The following CNTNAP5 variants were observed in gnomAD, a reference collection of about 807,000 sequenced individuals.
CNTNAP5 encodes the protein contactin-associated protein-like 5.
CNTNAP5 carries 72 observed loss-of-function variants against 150.2 expected under a neutral mutation model. The ratio of observed to expected loss-of-function variants is 0.48; its 90% confidence interval spans 0.40 to 0.58. The LOEUF (loss-of-function observed/expected upper bound fraction) is 0.58. Among genes scored for constraint, CNTNAP5 ranks in the 20% least tolerant of loss-of-function variants. The pLI, the probability that CNTNAP5 is intolerant of heterozygous loss-of-function variation, is 0.00. For missense variants in CNTNAP5, 1,636 were observed against 1,626.2 expected (o/e 1.01, Z -0.10); for synonymous variants, 672 against 619.8 (o/e 1.08, Z -1.25).
At chr2:124,361,749 C>T (rs967420793) in intron 3 of CNTNAP5, among the ~76,000 whole-genome samples, 24 of 151,900 alleles carry the variant, frequency 1.6e-4, no homozygotes, top group Non-Finnish European at 2.8e-4. Context: ...GCAGAGGTTA[C>T]TACTGTCTTT....
chr2:124,703,730 A>G (rs190862757), intron 13 of CNTNAP5, among the ~76,000 whole-genome samples: 198 of 152,292 alleles, frequency 1.3e-3, no homozygotes, highest in African/African-American at 4.4e-3. Flanking sequence ...CCCAGGTCTC[A>G]TCTCTTCTAC....
chr2:124,198,405 GT>G (rs538354456), intron 1 of CNTNAP5, among the ~76,000 whole-genome samples: 1,943 of 151,280 alleles, frequency 0.013, 12 homozygotes, highest in Non-Finnish European at 0.02. Flanking sequence ...GAAGCGCTTA[GT>G]TTTTTTTTCT....
intron 22 of CNTNAP5, 106 bp downstream of exon 22, chr2:124,903,206 C>T (rs1678451391): frequency 1.6e-6 from 1 of 632,020 alleles, no homozygotes; most frequent in African/African-American, 1.8e-5. Context: ...TCAGTTTTTA[C>T]TTTGTATAAT....
Position 124,920,793 on chromosome 2 carries a change from T to G in CNTNAP5, c.*6505T>G, listed in dbSNP as rs568163699. 6.6e-6 allele frequency among the ~76,000 whole-genome samples: 1 copy of G among 152,274 alleles called. No individual in the cohort carries two copies. The highest frequency in any genetic ancestry group is 2.4e-5 in the African/African-American group (1 of 41,582). ...AGAGCATTACAGTGTCTGTTTCAGA[T>G]GGGAAGTAAGTCTTCCTATGGCATG... is the stretch of plus-strand genomic sequence containing the variant. On this transcript the variant is annotated 3_prime_UTR_variant, in exon 24 of 24. Transcript: ENST00000682447.
chr2:124,098,985 C>T (rs1573752443), intron 1 of CNTNAP5, among the ~76,000 whole-genome samples: 1 of 149,958 alleles, frequency 6.7e-6, no homozygotes, highest in Non-Finnish European at 1.5e-5. Flanking sequence ...TTGACAAATT[C>T]CTATTACTGT....
chr2:124,031,879 C>T (rs1240837643), intron 1 of CNTNAP5, among the ~76,000 whole-genome samples: 1 of 152,082 alleles, frequency 6.6e-6, no homozygotes, highest in Non-Finnish European at 1.5e-5. Context: ...TACACCATTA[C>T]CCTGATAACA....
chr2:124,377,354 G>A (rs1690675445), intron 3 of CNTNAP5, among the ~76,000 whole-genome samples: 1 of 152,054 alleles, frequency 6.6e-6, no homozygotes, highest in Non-Finnish European at 1.5e-5. Flanking sequence ...AAAAGGTGTA[G>A]AAACAAAACA....
chr2:124,765,015 G>A (rs1368781421), intron 16 of CNTNAP5, among the ~76,000 whole-genome samples: 1 of 151,932 alleles, frequency 6.6e-6, no homozygotes, highest in Non-Finnish European at 1.5e-5. Flanking sequence ...GTGTGCTCAT[G>A]TCCATTTATC....
chr2:124,133,804 A>C (rs965091665), intron 1 of CNTNAP5, among the ~76,000 whole-genome samples: 1 of 152,226 alleles, frequency 6.6e-6, no homozygotes, highest in Admixed American at 6.5e-5. Context: ...CACCTTGGTC[A>C]TATTTGTGTG....
chr2:124,788,430 T>C (rs1029723444), intron 17 of CNTNAP5, among the ~76,000 whole-genome samples: 46 of 152,222 alleles, frequency 3.0e-4, no homozygotes, highest in Admixed American at 2.2e-3. Flanking sequence ...AATCATAATG[T>C]AATAATAAGC....
intron 1 of CNTNAP5, among the ~76,000 whole-genome samples, chr2:124,185,014 A>G (rs1215916562): frequency 9.9e-5 from 15 of 152,184 alleles, no homozygotes; most frequent in Admixed American, 9.8e-4. Flanking sequence ...TGAACTTTTC[A>G]ATTTCTTCCC....
intron 1 of CNTNAP5, among the ~76,000 whole-genome samples, chr2:124,192,918 GA>G (rs1259524889): frequency 6.6e-6 from 1 of 152,150 alleles, no homozygotes. Context: ...TCTCATTTCT[GA>G]ATGCTAGAAT....
At chr2:124,570,342 C>T (rs1460737888) in intron 11 of CNTNAP5, among the ~76,000 whole-genome samples, 1 of 152,104 alleles carries the variant, frequency 6.6e-6, no homozygotes, top group African/African-American at 2.4e-5. Flanking sequence ...CGACAACGGC[C>T]TTGCAGGAAG....
intron 11 of CNTNAP5, among the ~76,000 whole-genome samples, chr2:124,593,216 T>G (rs1285946570): frequency 6.8e-6 from 1 of 146,116 alleles, no homozygotes; most frequent in Non-Finnish European, 1.5e-5. Context: ...ACATGTGCCA[T>G]GCTGGTGCGC....
intron 6 of CNTNAP5, among the ~76,000 whole-genome samples, chr2:124,468,451 CA>C (rs1693432128): frequency 6.6e-6 from 1 of 152,086 alleles, no homozygotes; most frequent in Non-Finnish European, 1.5e-5. Flanking sequence ...CAGAAAGAAG[CA>C]AGTCAGCTTC....
chr2:124,589,048 C>A (rs1696618775), intron 11 of CNTNAP5, among the ~76,000 whole-genome samples: 1 of 152,090 alleles, frequency 6.6e-6, no homozygotes, highest in African/African-American at 2.4e-5. Context: ...ATTTCATAGA[C>A]CATACATTTC....
chr2:124,211,709 A>G (rs945917548), intron 1 of CNTNAP5, among the ~76,000 whole-genome samples: 4 of 152,214 alleles, frequency 2.6e-5, no homozygotes, highest in African/African-American at 9.6e-5. Flanking sequence ...TGGTTGTGCT[A>G]TTAGCCAGCT....
chr2:124,707,018 G>GAAGA (rs1679679240), intron 13 of CNTNAP5, among the ~76,000 whole-genome samples: 1 of 74,216 alleles, frequency 1.3e-5, no homozygotes, highest in South Asian at 5.0e-4. Flanking sequence ...GGAGGAGGAG[G>GAAGA]AGAAGAAGAA....
At chr2:124,219,155 A>G (rs1162456562) in intron 1 of CNTNAP5, among the ~76,000 whole-genome samples, 3 of 152,112 alleles carry the variant, frequency 2.0e-5, no homozygotes, top group East Asian at 3.9e-4. Flanking sequence ...GGTTGAGTTG[A>G]CTTGAAACAT....
Sources: gnomAD v4.1 joint callset for allele counts (sites outside exome capture counted in the v4.1 genomes callset) on GRCh38, gnomAD v4.1.1 for gene constraint, MANE v1.5 for transcripts, NCBI Gene and HGNC (gene_info 2026-07-23, HGNC 2026-07-21) for gene names.